Variants in PPP4R4 observed in about 807,000 individuals in gnomAD.
The protein encoded by PPP4R4 is serine/threonine-protein phosphatase 4 regulatory subunit 4.
Under a neutral mutation model 121.8 loss-of-function variants are expected in PPP4R4, and 70 were observed. The observed-to-expected ratio is 0.57, with a 90% CI of 0.47 to 0.70. PPP4R4 has a LOEUF of 0.70. Ranked by LOEUF, PPP4R4 falls within the 30% of genes least tolerant of loss-of-function variation. The probability of loss-of-function intolerance (pLI) is 0.00; values close to 1 mark genes in which losing one functional copy is unlikely to be tolerated. For missense variants in PPP4R4, 875 were observed against 1,033.6 expected, an observed-to-expected ratio of 0.85 and a Z score of 2.10; for synonymous variants, 348 against 355.7, an observed-to-expected ratio of 0.98 and a Z score of 0.24.
chr14:94,260,617 G>A (rs1893735549), intron 19 of PPP4R4, among the ~76,000 whole-genome samples: 1 of 151,662 alleles, frequency 6.6e-6, no homozygotes, highest in Admixed American at 6.6e-5. Flanking sequence ...TTGCTTACTG[G>A]CCATCTTTAT....
chr14:94,214,739 A>G (rs895040511), intron 3 of PPP4R4, among the ~76,000 whole-genome samples: 2 of 152,168 alleles, frequency 1.3e-5, no homozygotes, highest in East Asian at 1.9e-4. Flanking sequence ...AAGTGAACAA[A>G]CAACACAGAT....
chr14:94,176,583 G>C lies in PPP4R4; in HGVS notation c.191+456G>C, dbSNP rs149423158. Among the ~76,000 whole-genome samples, 511 of 152,228 alleles carry C rather than the reference G, an allele frequency of 3.4e-3. 1 individual carries two copies. Among genetic ancestry groups the C allele is most frequent in the African/African-American group, 0.011 (472 of 41,532 alleles). ...ATCCTGTTTGTATTACTTTTGCCGT[G>C]CAAGCTTTATGATTTTGTCTGAGGG... On this transcript the variant is annotated intron_variant, in intron 2 of 24. Transcript: ENST00000304338.
intron 2 of PPP4R4, among the ~76,000 whole-genome samples, chr14:94,178,501 G>A (rs1888798971): frequency 6.6e-6 from 1 of 151,560 alleles, no homozygotes; most frequent in Admixed American, 6.6e-5. Flanking sequence ...TTATATTAGT[G>A]GGGTTCTGAT....
chr14:94,233,736 G>A lies in PPP4R4; in HGVS notation c.600G>A (p.Leu200=), dbSNP rs760591333. The change falls in exon 6 of 25, where the codon TTG becomes TTA. Residue 200 remains leucine (L), a synonymous_variant. Coordinates refer to ENST00000304338, the MANE Select transcript of PPP4R4 (RefSeq NM_058237.2). ...TTAGTTGTAAAATTTTAGGAAAATTGACCAACAAATTTGATGCCCACACGT... is the reference window on the plus strand; with the variant it reads ...TTAGTTGTAAAATTTTAGGAAAATTAACCAACAAATTTGATGCCCACACGT... ...RLVSCKILGK[L]TNKFDAHTIK... is the part of the protein sequence containing the mutation. 19 of 1,589,912 alleles carry A rather than the reference G, an allele frequency of 1.2e-5. No homozygotes were observed. The highest frequency in any genetic ancestry group is 8.6e-6 in the Non-Finnish European group (10 of 1,160,036).
chr14:94,184,667 C>G (rs2139386750), intron 2 of PPP4R4, among the ~76,000 whole-genome samples: 1 of 152,254 alleles, frequency 6.6e-6, no homozygotes, highest in South Asian at 2.1e-4. Context: ...ATTATAGTGT[C>G]TTTCATTGAC....
intron 2 of PPP4R4, among the ~76,000 whole-genome samples, chr14:94,186,458 G>T (rs1276894890): frequency 6.6e-6 from 1 of 152,130 alleles, no homozygotes; most frequent in East Asian, 1.9e-4. Context: ...TATTGATAAT[G>T]ATTCCGTTTA....
chr14:94,268,428 G>A (rs907377324), intron 23 of PPP4R4, among the ~76,000 whole-genome samples: 6 of 152,242 alleles, frequency 3.9e-5, no homozygotes, highest in African/African-American at 1.4e-4. Context: ...TTTTAATTAA[G>A]TGCATTAATT....
chr14:94,206,290 CT>C (rs1250198698), intron 2 of PPP4R4, among the ~76,000 whole-genome samples: 2 of 151,872 alleles, frequency 1.3e-5, no homozygotes, highest in Admixed American at 1.3e-4. Flanking sequence ...CTCCTGCTTT[CT>C]TTTGATTCAC....
At chr14:94,232,100 G>A (rs1892070409) in intron 5 of PPP4R4, among the ~76,000 whole-genome samples, 1 of 152,008 alleles carries the variant, frequency 6.6e-6, no homozygotes. Flanking sequence ...TTCCCAGCAT[G>A]TTGTTTGCCT....
chr14:94,270,008 C>A (rs1173796582), intron 23 of PPP4R4, among the ~76,000 whole-genome samples: 1 of 152,044 alleles, frequency 6.6e-6, no homozygotes, highest in Admixed American at 6.5e-5. Context: ...ATAAATATAG[C>A]ATACTTATGT....
intron 2 of PPP4R4, among the ~76,000 whole-genome samples, chr14:94,205,049 GC>G (rs1567113636): frequency 6.6e-6 from 1 of 152,118 alleles, no homozygotes; most frequent in East Asian, 1.9e-4. Flanking sequence ...GAGGTATACT[GC>G]TTTGCAGTTT....
chr14:94,240,597 G>A, intron 8 of PPP4R4, 76 bp from the exon 9 acceptor site: 1 of 1,429,386 alleles, frequency 7.0e-7, no homozygotes, highest in Non-Finnish European at 9.4e-7. Context: ...TCTGGAATTT[G>A]TGTGTGTATT....
At chr14:94,273,111 A>G (rs1396139217) in intron 23 of PPP4R4, among the ~76,000 whole-genome samples, 2 of 152,198 alleles carry the variant, frequency 1.3e-5, no homozygotes, top group African/African-American at 4.8e-5. Context: ...CATTCTTACC[A>G]TATGATCTAG....
chr14:94,196,294 T>C (rs982590934), intron 2 of PPP4R4, among the ~76,000 whole-genome samples: 6 of 148,518 alleles, frequency 4.0e-5, no homozygotes, highest in African/African-American at 1.5e-4. Context: ...AAGCCTGTAT[T>C]ACTTTCTTTC....
chr14:94,240,815 T>C lies in PPP4R4; in HGVS notation c.976+20T>C. The C allele has an allele frequency of 6.7e-7, 1 of 1,485,666 alleles. No individual in the cohort carries two copies. Among genetic ancestry groups the C allele is most frequent in the Non-Finnish European group, 8.9e-7 (1 of 1,122,904 alleles). 92.0% of individuals were successfully genotyped at this position (1,485,666 alleles called of 1,614,324 possible). On this transcript the variant is annotated intron_variant, in intron 9 of 24. Coordinates refer to ENST00000304338, the MANE Select transcript of PPP4R4 (RefSeq NM_058237.2). ...TATATGGTATGATATATCCTAAGAA[T>C]TTTGAGACTGTAGATAATTTTTCCC...
At position 94,237,591 on chromosome 14, in the gene PPP4R4, T is replaced by A; in HGVS notation, c.758T>A (p.Leu253His). ...IGTELTKSVV[L>H]PELIELSRDE... ...ACAGAACTTACAAAAAGTGTGGTGC[T>A]CCCTGAATTAATAGAACTTTCTAGG... The change falls in exon 8 of 25, where the codon CTC becomes CAC. Residue 253 changes from leucine (L) to histidine (H), a missense_variant. Leu to His is a moderately conservative substitution (Grantham distance 99). Transcript: ENST00000304338. The A allele has an allele frequency of 1.9e-6, 3 of 1,613,044 alleles. No homozygotes were observed. The highest frequency in any genetic ancestry group is 2.5e-6 in the Non-Finnish European group (3 of 1,178,988).
intron 3 of PPP4R4, among the ~76,000 whole-genome samples, chr14:94,228,708 G>A (rs191881459): frequency 6.6e-6 from 1 of 152,260 alleles, no homozygotes; most frequent in East Asian, 1.9e-4. Context: ...AGCAGAAAGC[G>A]TAGGTGAGAG....
chr14:94,259,663 G>T (rs942179478), intron 19 of PPP4R4, among the ~76,000 whole-genome samples: 6 of 152,214 alleles, frequency 3.9e-5, no homozygotes, highest in African/African-American at 1.4e-4. Flanking sequence ...ATGAAAATAT[G>T]AAACATTTCT....
chr14:94,200,530 C>T (rs1890116141), intron 2 of PPP4R4, among the ~76,000 whole-genome samples: 1 of 152,178 alleles, frequency 6.6e-6, no homozygotes, highest in Admixed American at 6.5e-5. Flanking sequence ...TTGGTCTGTT[C>T]AGAGTTTCTA....
Sources: gnomAD v4.1 joint callset for allele counts (sites outside exome capture counted in the v4.1 genomes callset) on GRCh38, gnomAD v4.1.1 for gene constraint, MANE v1.5 for transcripts, NCBI Gene and HGNC (gene_info 2026-07-23, HGNC 2026-07-21) for gene names.